Variants in PCDH15 observed in about 807,000 individuals in gnomAD.
PCDH15 encodes the protein protocadherin-15.
In PCDH15, 129 loss-of-function variants were observed where a neutral mutation model predicts 178.5. The ratio of observed to expected loss-of-function variants is 0.72; its 90% CI spans 0.63 to 0.84. The LOEUF (loss-of-function observed/expected upper bound fraction) is 0.84. Among genes scored for constraint, PCDH15 ranks in the 40% least tolerant of loss-of-function variants. PCDH15 has a pLI of 0.00. For synonymous variants in PCDH15, 800 were observed against 732.0 expected (o/e 1.09, Z -1.50); for missense variants, 2,230 against 2,099.9 (o/e 1.06, Z -1.21).
Position 55,163,945 on chromosome 10 carries a change from A to T in PCDH15, c.-80+2631T>A, listed in dbSNP as rs141396560. ...GCTCATGCCACTGCTCTGCCTATGG[A>T]GTAGCAATTCTTTATTCCTTTACTT... On this transcript the variant is annotated intron_variant, in intron 2 of 5. Transcript: ENST00000458638. Among the ~76,000 whole-genome samples, 109 of 152,266 alleles carry T rather than the reference A, an allele frequency of 7.2e-4. 1 individual carries two copies. The East Asian group carries it at 0.019, about 26-fold the overall frequency.
chr10:54,775,218 A>C (rs572910444), intron 1 of PCDH15, among the ~76,000 whole-genome samples: 5 of 152,338 alleles, frequency 3.3e-5, no homozygotes, highest in African/African-American at 1.2e-4. Flanking sequence ...AATCCTGGAC[A>C]TAATTTTATT....
At chr10:54,045,595 C>T (rs1318365155) in intron 18 of PCDH15, among the ~76,000 whole-genome samples, 1 of 151,918 alleles carries the variant, frequency 6.6e-6, no homozygotes, top group Non-Finnish European at 1.5e-5. Flanking sequence ...CCCTCATACA[C>T]ATGTATATGG....
At chr10:55,016,125 T>C (rs1212313687) in intron 2 of PCDH15, among the ~76,000 whole-genome samples, 2 of 144,654 alleles carry the variant, frequency 1.4e-5, no homozygotes, top group Non-Finnish European at 3.0e-5. Flanking sequence ...AAAAAGACTG[T>C]GGGTACAAAC....
intron 15 of PCDH15, among the ~76,000 whole-genome samples, chr10:54,104,171 G>A (rs2136183940): frequency 6.6e-6 from 1 of 152,282 alleles, no homozygotes. Flanking sequence ...GACAAAAGTG[G>A]AAAGGCTGAT....
chr10:55,344,776 C>G (rs769214984), intron 2 of PCDH15, among the ~76,000 whole-genome samples: 20 of 151,928 alleles, frequency 1.3e-4, no homozygotes, highest in Non-Finnish European at 2.8e-4. Flanking sequence ...GGAGTAATTA[C>G]TGTATGGATT....
At chr10:55,559,868 T>A (rs972444540) in intron 2 of PCDH15, among the ~76,000 whole-genome samples, 3 of 151,920 alleles carry the variant, frequency 2.0e-5, no homozygotes, top group Admixed American at 6.6e-5. Context: ...TCTCTTTACA[T>A]AATATTTCAA....
chr10:54,504,856 G>A (rs1479214929), intron 3 of PCDH15, among the ~76,000 whole-genome samples: 1 of 152,068 alleles, frequency 6.6e-6, no homozygotes, highest in Non-Finnish European at 1.5e-5. Flanking sequence ...TTTTTGGATT[G>A]AGAATATATC....
intron 15 of PCDH15, among the ~76,000 whole-genome samples, chr10:54,095,280 A>C (rs1210943439): frequency 6.6e-6 from 1 of 152,082 alleles, no homozygotes; most frequent in Non-Finnish European, 1.5e-5. Context: ...CTTTAACAAA[A>C]TGTTATAATA....
intron 2 of PCDH15, among the ~76,000 whole-genome samples, chr10:55,368,364 A>G (rs776203114): frequency 6.6e-6 from 1 of 152,092 alleles, no homozygotes; most frequent in African/African-American, 2.4e-5. Context: ...CAGCCTCTCA[A>G]CTGGGTTTAT....
intron 8 of PCDH15, among the ~76,000 whole-genome samples, chr10:54,259,549 T>C (rs754971303): frequency 3.3e-5 from 5 of 152,076 alleles, no homozygotes; most frequent in African/African-American, 9.7e-5. Flanking sequence ...AAAGCAAACA[T>C]AGGGTGAGTA....
intron 2 of PCDH15, among the ~76,000 whole-genome samples, chr10:55,024,154 TAGAG>T (rs1564726550): frequency 2.1e-5 from 3 of 146,298 alleles, no homozygotes; most frequent in African/African-American, 7.5e-5. Flanking sequence ...GGAATATATA[TAGAG>T]AGAGGAAGGA....
intron 36 of PCDH15, 112 bp from the exon 37 acceptor site, chr10:53,810,776 C>T (rs574006633): frequency 3.1e-6 from 3 of 960,846 alleles, no homozygotes; most frequent in Non-Finnish European, 5.0e-6. Context: ...CAGATATTTA[C>T]ACAGCACCTA....
At chr10:54,241,244 G>A (rs79568236) in intron 8 of PCDH15, among the ~76,000 whole-genome samples, 1 of 152,076 alleles carries the variant, frequency 6.6e-6, no homozygotes, top group Non-Finnish European at 1.5e-5. Context: ...AATTGCTGTT[G>A]CTTATTCTCT....
chr10:55,607,833 G>T (rs1489461731), intron 2 of PCDH15, among the ~76,000 whole-genome samples: 1 of 149,574 alleles, frequency 6.7e-6, no homozygotes, highest in African/African-American at 2.5e-5. Context: ...CACCAGCATG[G>T]CACATGTATA....
chr10:54,809,519 C>T (rs562148143), intron 3 of PCDH15, among the ~76,000 whole-genome samples: 42 of 152,146 alleles, frequency 2.8e-4, no homozygotes, highest in African/African-American at 9.9e-4. Context: ...TAATGAGAAT[C>T]CAGTCTCCTG....
At chr10:55,198,668 T>C (rs1218636714) in intron 1 of PCDH15, among the ~76,000 whole-genome samples, 7 of 151,208 alleles carry the variant, frequency 4.6e-5, no homozygotes, top group South Asian at 2.1e-4. Context: ...TTTTTTTTTT[T>C]GTATTTTTAG....
Position 55,072,196 on chromosome 10 carries a change from G to T in PCDH15, c.-80+94380C>A, listed in dbSNP as rs546544851. Among the ~76,000 whole-genome samples the T allele has an allele frequency of 4.6e-5, 7 of 152,164 alleles. No homozygotes were observed. The East Asian group carries it at 1.4e-3, about 29-fold the overall frequency. On this transcript the variant is annotated intron_variant, in intron 2 of 5. Coordinates refer to the PCDH15 transcript ENST00000458638. ...CATCACAATTAAAAGAACTAGAAAA[G>T]CAAGAGCAAACACATTCAAAAGCTA...
At chr10:53,934,935 A>T (rs988543365) in intron 25 of PCDH15, among the ~76,000 whole-genome samples, 30 of 139,362 alleles carry the variant, frequency 2.2e-4, no homozygotes, top group East Asian at 7.9e-4. Flanking sequence ...CCACATTAAT[A>T]AAAAAAAAAA....
At chr10:54,479,093 C>T (rs1017310794) in intron 3 of PCDH15, among the ~76,000 whole-genome samples, 4 of 151,080 alleles carry the variant, frequency 2.6e-5, no homozygotes, top group South Asian at 4.2e-4. Context: ...TATGGTAATA[C>T]GTTTTGAAAA....
Sources: gnomAD v4.1 joint callset for allele counts (sites outside exome capture counted in the v4.1 genomes callset) on GRCh38, gnomAD v4.1.1 for gene constraint, MANE v1.5 for transcripts, NCBI Gene and HGNC (gene_info 2026-07-23, HGNC 2026-07-21) for gene names.